CENPE: variants seen among roughly 807,000 people sequenced by gnomAD.
CENPE encodes the protein centromere protein E.
CENPE carries 145 observed loss-of-function variants against 336.1 expected under a neutral mutation model. The observed-to-expected ratio is 0.43, with a 90% CI of 0.38 to 0.50. CENPE has a LOEUF of 0.50. CENPE is among the 20% of genes least tolerant of loss of function. CENPE has a pLI of 0.00. For synonymous variants in CENPE, 1,013 were observed against 984.8 expected, an observed-to-expected ratio of 1.03 and a Z score of -0.54; for missense variants, 2,719 against 3,023.3, an observed-to-expected ratio of 0.90 and a Z score of 2.36.
intron 32 of CENPE, 137 bp downstream of exon 32, chr4:103,144,913 G>T: frequency 2.8e-6 from 2 of 725,394 alleles, no homozygotes; most frequent in Non-Finnish European, 4.2e-6. Context: ...TTGAATATAA[G>T]CAGTTTTTGA....
chr4:103,123,191 A>T (rs1461440168), intron 42 of CENPE, 102 bp from the exon 43 acceptor site: 1 of 826,980 alleles, frequency 1.2e-6, no homozygotes. Context: ...CTCAGTCAAA[A>T]GTGGTCTGAA....
chr4:103,145,841 T>A lies in CENPE; in HGVS notation c.4401A>T (p.Glu1467Asp), dbSNP rs1349304112. The A allele has an allele frequency of 6.3e-7, 1 of 1,590,950 alleles. No individual in the cohort carries two copies. ...AGATGAAACCTACTTTAGCTACAAT[T>A]TCTTTTATGTTTTCTTTGAGCTGGT... ...ESDQLKENIK[E>D]IVAKHLETEE... Residue 1467 changes from glutamate (E) to aspartate (D), a missense_variant, in exon 30 of 49, where the codon GAA (glutamate) becomes GAT (aspartate). By Grantham distance (45) the Glu-to-Asp change is conservative. Around this residue, in one of 5 missense-constraint regions of CENPE, gnomAD observed 2,437 missense variants for 2,513.3 expected, o/e 0.97. Coordinates refer to ENST00000265148, the MANE Select transcript of CENPE (RefSeq NM_001813.3).
At chr4:103,173,185 G>A (rs1338726598) in intron 16 of CENPE, among the ~76,000 whole-genome samples, 2 of 151,738 alleles carry the variant, frequency 1.3e-5, no homozygotes, top group South Asian at 2.1e-4. Flanking sequence ...AACAGAGAAC[G>A]CGGAAATAAA....
At position 103,162,038 on chromosome 4, in the gene CENPE, T is replaced by C. The variant is rs114491254; in HGVS notation, c.1843-581A>G. On this transcript the variant is annotated intron_variant, in intron 18 of 48. Coordinates refer to ENST00000265148, the MANE Select transcript of CENPE (RefSeq NM_001813.3). The stretch of plus-strand genomic sequence containing the variant: ...CCTTGGAAAAAAATTAATAAATTAA[T>C]ACATGAATGAATAAGGAAAAAGAAA... Among the ~76,000 whole-genome samples the C allele has an allele frequency of 7.2e-3, 1,102 of 152,206 alleles. 15 individuals carry two copies. Among genetic ancestry groups the C allele is most frequent in the African/African-American group, 0.025 (1,031 of 41,532 alleles).
At chr4:103,173,630 T>TTTGCAATATTTGCAGAAATATTTGCAAA (rs1212496499) in intron 16 of CENPE, among the ~76,000 whole-genome samples, 4 of 151,438 alleles carry the variant, frequency 2.6e-5, no homozygotes, top group Non-Finnish European at 4.4e-5. Flanking sequence ...TTGCAAAATA[T>TTTGCAATATTTGCAGAAATATTTGCAAA]ACATCTGACA....
chr4:103,132,704 T>C lies in CENPE; in HGVS notation c.6913A>G (p.Asn2305Asp), dbSNP rs1751694079. Reference protein sequence around the residue: ...RICQVNNFFNNRIIAIMNEST... With the variant: ...RICQVNNFFNDRIIAIMNEST... ...AAAGTAATACTTACAATTATTCTGT[T>C]ATTAAAGAAGTTATTCACTTGACAA... Residue 2305 changes from asparagine to aspartate, a missense_variant, in exon 42 of 49, where the codon AAC becomes GAC. By Grantham distance (23) the Asn-to-Asp change is conservative. Transcript: ENST00000265148. The C allele has an allele frequency of 7.3e-6, 11 of 1,508,884 alleles. No homozygotes were observed. The highest frequency in any genetic ancestry group is 1.0e-5 in the Non-Finnish European group (11 of 1,099,690). 93.5% of individuals were successfully genotyped at this position (1,508,884 alleles called of 1,614,324 possible). A position where few individuals can be genotyped will look rare whatever the true frequency, so the allele number is the denominator to read the frequency against.
At chr4:103,144,639 G>A in intron 32 of CENPE, 21 bp from the exon 33 acceptor site, 1 of 1,555,298 alleles carries the variant, frequency 6.4e-7, no homozygotes. Context: ...TATAAAGTAA[G>A]TTACAACATA....
rs1225658267 is a variant in CENPE, at chr4:103,120,174, T to G, written c.7303A>C (p.Thr2435Pro). 1 of 1,603,208 alleles carries G rather than the reference T, an allele frequency of 6.2e-7. No individual in the cohort carries two copies. The highest frequency in any genetic ancestry group is 1.3e-5 in the African/African-American group (1 of 74,174). Reference protein sequence around the residue: ...VHESNKCLEKTKETIQVLQDK... With the variant: ...VHESNKCLEKPKETIQVLQDK... The stretch of plus-strand genomic sequence containing the variant: ...TGAAGTACTTGAATTGTCTCTTTTG[T>G]TTTTTCAAGGCATTTATTTGATTCA... The change falls in exon 44 of 49, where the codon ACA becomes CCA. Residue 2435 changes from threonine to proline, a missense_variant. By Grantham distance (38) the Thr-to-Pro change is conservative (BLOSUM62 -1). Around this residue, in one of 5 missense-constraint regions of CENPE, gnomAD observed 2,437 missense variants for 2,513.3 expected, o/e 0.97. Coordinates refer to ENST00000265148, the MANE Select transcript of CENPE (RefSeq NM_001813.3).
intron 10 of CENPE, 137 bp downstream of exon 10, chr4:103,183,064 T>C: frequency 1.2e-6 from 1 of 863,850 alleles, no homozygotes. Context: ...GTAAATTCAG[T>C]AGATTATAAT....
At chr4:103,145,501 T>A in intron 31 of CENPE, 22 bp downstream of exon 31, 2 of 1,584,052 alleles carry the variant, frequency 1.3e-6, no homozygotes, top group South Asian at 2.3e-5. Context: ...TTCCTCCCAC[T>A]GTTTCTTCAT....
At chr4:103,144,182 C>T (rs369179113) in intron 33 of CENPE, 149 bp downstream of exon 33, 14 of 575,550 alleles carry the variant, frequency 2.4e-5, no homozygotes, top group African/African-American at 3.8e-5. Flanking sequence ...GTGATCTGCC[C>T]GCCCTGGCCT....
chr4:103,172,544 T>A (rs1755500894), intron 16 of CENPE, among the ~76,000 whole-genome samples: 1 of 151,970 alleles, frequency 6.6e-6, no homozygotes, highest in Non-Finnish European at 1.5e-5. Context: ...TAGAACAGGA[T>A]AAGGATGTTC....
chr4:103,174,948 T>C, intron 15 of CENPE, 45 bp from the exon 16 acceptor site: 1 of 1,196,796 alleles, frequency 8.4e-7, no homozygotes, highest in Non-Finnish European at 1.1e-6. Context: ...AATTCAAATA[T>C]TTTTTGTTTC....
chr4:103,121,046 T>C (rs1325909156), intron 43 of CENPE, among the ~76,000 whole-genome samples: 1 of 152,110 alleles, frequency 6.6e-6, no homozygotes, highest in South Asian at 2.1e-4. Context: ...TTATTAATCT[T>C]AAATAGAAAA....
intron 29 of CENPE, among the ~76,000 whole-genome samples, chr4:103,146,737 A>G (rs1753086899): frequency 6.6e-6 from 1 of 152,254 alleles, no homozygotes; most frequent in Non-Finnish European, 1.5e-5. Flanking sequence ...AAAGAATGTA[A>G]GAAAGGATAA....
chr4:103,177,188 A>C, intron 13 of CENPE, 142 bp from the exon 14 acceptor site: 1 of 608,322 alleles, frequency 1.6e-6, no homozygotes, highest in Non-Finnish European at 2.7e-6. Context: ...TAGTCTAAGG[A>C]TATTGCTTAA....
chr4:103,146,769 G>A (rs1205795277), intron 29 of CENPE, among the ~76,000 whole-genome samples: 2 of 152,288 alleles, frequency 1.3e-5, no homozygotes, highest in South Asian at 2.1e-4. Flanking sequence ...TATAGAAACT[G>A]GATTAGAGAA....
In CENPE at chr4:103,182,753, C is replaced by T. The variant is rs1268370850; in HGVS notation, c.963+9G>A. ...CCCTATATTAAGCTGAGATAAAAAT[C>T]AAACTCACCTGGAGAGCAGTAAGTG... On this transcript the variant is annotated intron_variant, in intron 11 of 48. Coordinates refer to ENST00000265148, the MANE Select transcript of CENPE (RefSeq NM_001813.3). The T allele has an allele frequency of 1.9e-6, 3 of 1,585,846 alleles. No homozygotes were observed. The highest frequency in any genetic ancestry group is 1.7e-6 in the Non-Finnish European group (2 of 1,165,398).
At chr4:103,124,621 G>A (rs925449993) in intron 42 of CENPE, among the ~76,000 whole-genome samples, 4 of 152,172 alleles carry the variant, frequency 2.6e-5, no homozygotes, top group Non-Finnish European at 5.9e-5. Flanking sequence ...TGAATATCTT[G>A]TATTTCTGTA....
Sources: allele counts gnomAD v4.1 joint callset (sites outside exome capture counted in the v4.1 genomes callset), GRCh38; gene constraint gnomAD v4.1.1; regional missense constraint gnomAD v4.1.1; transcripts MANE v1.5; gene names NCBI Gene and HGNC (gene_info 2026-07-23, HGNC 2026-07-21).